The following UBE3A variants were observed in gnomAD, a reference collection of about 807,000 sequenced individuals.
UBE3A encodes the protein ubiquitin-protein ligase E3A.
A neutral mutation model predicts 83.4 loss-of-function variants in UBE3A; 6 were observed. The ratio of observed to expected loss-of-function variants is 0.07; its 90% confidence interval spans 0.04 to 0.14. The LOEUF is 0.14. UBE3A is among the 10% of genes least tolerant of loss of function. The pLI is 1.00. For synonymous variants in UBE3A, 337 were observed against 355.4 expected, an observed-to-expected ratio of 0.95 and a Z score of 0.58; for missense variants, 456 against 1,036.1, an observed-to-expected ratio of 0.44 and a Z score of 7.69.
chr15:25,343,083 A>G (rs1214336083), intron 11 of UBE3A, among the ~76,000 whole-genome samples: 1 of 152,206 alleles, frequency 6.6e-6, no homozygotes, highest in African/African-American at 2.4e-5. Context: ...CTAAAGCAAC[A>G]GAAGAGGGAT....
intron 4 of UBE3A, among the ~76,000 whole-genome samples, chr15:25,404,094 T>C (rs576291849): frequency 1.3e-5 from 2 of 152,360 alleles, no homozygotes; most frequent in Non-Finnish European, 2.9e-5. Context: ...TTTTACATTA[T>C]GTGTATTTTA....
intron 11 of UBE3A, among the ~76,000 whole-genome samples, chr15:25,341,379 A>C (rs942329634): frequency 1.3e-5 from 2 of 151,926 alleles, no homozygotes; most frequent in African/African-American, 2.4e-5. Context: ...CCTATAGCTA[A>C]ATAATGTTAA....
chr15:25,396,392 G>C (rs533578027), intron 4 of UBE3A, among the ~76,000 whole-genome samples: 2 of 152,110 alleles, frequency 1.3e-5, no homozygotes, highest in South Asian at 4.2e-4. Flanking sequence ...ATTACTTTGG[G>C]GCCAAGAGTT....
intron 11 of UBE3A, among the ~76,000 whole-genome samples, chr15:25,343,307 T>C (rs933337926): frequency 1.3e-5 from 2 of 152,046 alleles, no homozygotes; most frequent in Non-Finnish European, 2.9e-5. Flanking sequence ...AATTCAGTCA[T>C]AAACAATGGG....
chr15:25,433,534 G>A (rs1345387668), intron 1 of UBE3A, among the ~76,000 whole-genome samples: 2 of 152,076 alleles, frequency 1.3e-5, no homozygotes, highest in Non-Finnish European at 2.9e-5. Context: ...CGTTTGAAAA[G>A]CATACTCTTT....
chr15:25,398,782 TA>T lies in UBE3A; in HGVS notation c.62+6678del, dbSNP rs2086254606. On this transcript the variant is annotated intron_variant, in intron 4 of 12. Transcript: ENST00000648336. Reference sequence around the variant, plus strand: ...TTTTATTCTTTTATTTATATATATATATATATATATATATATATATATATAT... The same window carrying T: ...TTTTATTCTTTTATTTATATATATATTATATATATATATATATATATATAT... Among the ~76,000 whole-genome samples the T allele has an allele frequency of 2.9e-4, 8 of 28,064 alleles. 1 individual carries two copies. The highest frequency in any genetic ancestry group is 1.2e-3 in the African/African-American group (8 of 6,926). 18.4% of individuals were successfully genotyped at this position (28,064 alleles called of 152,430 possible). A position where few individuals can be genotyped will look rare whatever the true frequency, so the allele number is the denominator to read the frequency against.
At chr15:25,345,681 C>CAAAGT (rs764636598) in intron 11 of UBE3A, 1 of 151,550 alleles carries the variant, frequency 6.6e-6, no homozygotes, top group Non-Finnish European at 1.5e-5. Flanking sequence ...TACAGAAAAT[C>CAAAGT]AAAGTACATG....
At chr15:25,422,772 T>A (rs1387016704) in intron 1 of UBE3A, among the ~76,000 whole-genome samples, 1 of 148,216 alleles carries the variant, frequency 6.7e-6, no homozygotes, top group Non-Finnish European at 1.5e-5. Context: ...GCCAGAAGTT[T>A]GAGACCAGTC....
At chr15:25,425,495 A>C (rs959518969) in intron 1 of UBE3A, among the ~76,000 whole-genome samples, 71 of 152,162 alleles carry the variant, frequency 4.7e-4, no homozygotes, top group Non-Finnish European at 8.8e-4. Context: ...TATGTTTGGT[A>C]GGATTTTTTT....
At chr15:25,410,450 G>A (rs747865984) in intron 2 of UBE3A, among the ~76,000 whole-genome samples, 1 of 152,026 alleles carries the variant, frequency 6.6e-6, no homozygotes, top group Non-Finnish European at 1.5e-5. Context: ...TTCCCCTCAC[G>A]ATTCCCCTAT....
chr15:25,363,820 G>A (rs1053428687), intron 6 of UBE3A, among the ~76,000 whole-genome samples: 3 of 151,964 alleles, frequency 2.0e-5, no homozygotes, highest in Non-Finnish European at 2.9e-5. Flanking sequence ...ACTGAATTCT[G>A]TAGGCAAAAA....
chr15:25,366,616 A>C, intron 6 of UBE3A, among the ~76,000 whole-genome samples: 1 of 152,256 alleles, frequency 6.6e-6, no homozygotes, highest in Non-Finnish European at 1.5e-5. Context: ...GAACTCCCTG[A>C]CTAATTGGAA....
At chr15:25,350,375 A>C (rs572460536) in intron 11 of UBE3A, among the ~76,000 whole-genome samples, 2 of 151,970 alleles carry the variant, frequency 1.3e-5, no homozygotes, top group East Asian at 3.9e-4. Flanking sequence ...TACATCAAAA[A>C]CCCTGAATTA....
intron 4 of UBE3A, among the ~76,000 whole-genome samples, chr15:25,376,331 A>G (rs2081213919): frequency 6.6e-6 from 1 of 152,208 alleles, no homozygotes; most frequent in Non-Finnish European, 1.5e-5. Context: ...ATATCCAAAG[A>G]TAGTGTTACA....
At chr15:25,349,641 T>C (rs867479586) in intron 11 of UBE3A, among the ~76,000 whole-genome samples, 1 of 152,202 alleles carries the variant, frequency 6.6e-6, no homozygotes, top group Admixed American at 6.5e-5. Flanking sequence ...ATTTCATAGA[T>C]ACAATACTCA....
intron 6 of UBE3A, among the ~76,000 whole-genome samples, chr15:25,364,869 G>A (rs1341252496): frequency 4.0e-5 from 6 of 151,484 alleles, no homozygotes; most frequent in South Asian, 4.2e-4. Flanking sequence ...GATGGTTTCG[G>A]TCTCCTGACC....
At position 25,430,027 on chromosome 15, in the gene UBE3A, C is replaced by CTATA. The variant is rs199950859; in HGVS notation, c.-165+8458_-165+8461dup. ...CTCAGGAGGAAAAACAAAAAAAAAC[C>CTATA]TATATATATATATATATATATATTT... On this transcript the variant is annotated intron_variant, in intron 1 of 12. Transcript: ENST00000648336. 1.5e-3 allele frequency among the ~76,000 whole-genome samples: 98 copies of CTATA among 66,172 alleles called. 12 individuals carry two copies. The highest frequency in any genetic ancestry group is 0.011 in the African/African-American group (87 of 8,202). 43.4% of individuals were successfully genotyped at this position (66,172 alleles called of 152,430 possible).
chr15:25,413,951 T>C (rs2090441410), intron 1 of UBE3A, among the ~76,000 whole-genome samples: 1 of 152,162 alleles, frequency 6.6e-6, no homozygotes, highest in African/African-American at 2.4e-5. Context: ...TCTCTCCAAG[T>C]TTCTGTCAAT....
intron 4 of UBE3A, among the ~76,000 whole-genome samples, chr15:25,376,284 A>G (rs2081205983): frequency 6.6e-6 from 1 of 152,220 alleles, no homozygotes; most frequent in South Asian, 2.1e-4. Flanking sequence ...CCAATTATCA[A>G]CAACATGGGA....
Sources: gnomAD v4.1 joint callset for allele counts (sites outside exome capture counted in the v4.1 genomes callset) on GRCh38, gnomAD v4.1.1 for gene constraint, MANE v1.5 for transcripts, NCBI Gene and HGNC (gene_info 2026-07-23, HGNC 2026-07-21) for gene names.